Variants in HLA-F observed in about 807,000 individuals in gnomAD.
The protein encoded by HLA-F is HLA class I histocompatibility antigen, alpha chain F.
A neutral mutation model predicts 49.5 loss-of-function variants in HLA-F; 46 were observed. The observed-to-expected ratio is 0.93, with a 90% CI of 0.73 to 1.19. HLA-F has a LOEUF of 1.19. Among genes scored for constraint, HLA-F ranks in the 50% most tolerant of loss-of-function variants. The pLI, the probability that HLA-F is intolerant of heterozygous loss-of-function variation, is 0.00. For missense variants in HLA-F, 496 were observed against 579.6 expected (o/e 0.86, Z 1.48); for synonymous variants, 203 against 233.5 (o/e 0.87, Z 1.19).
downstream of HLA-F, among the ~76,000 whole-genome samples, chr6:29,730,742 G>A (rs1052955533): frequency 6.6e-6 from 1 of 152,002 alleles, no homozygotes; most frequent in African/African-American, 2.4e-5. Context: ...CCTCTCAAAC[G>A]AAAATTAGGA....
chr6:29,735,349 A>G (rs9278283), intron 3 of HLA-F: 1 of 120,186 alleles, frequency 8.3e-6, no homozygotes, highest in East Asian at 3.7e-4. Flanking sequence ...ATGTATATAT[A>G]TGTATATATA....
chr6:29,724,080 C>A (rs2072895), intron 2 of HLA-F, 93 bp from the exon 3 acceptor site: 1 of 1,562,822 alleles, frequency 6.4e-7, no homozygotes, highest in African/African-American at 1.4e-5. Context: ...CGCCTTTACC[C>A]AGGTTCATTT....
chr6:29,727,210 T>A lies in HLA-F; in HGVS notation c.*35T>A. ...AAGTAAGTTGCAAGACCCATGATAC[T>A]AGACCACTAAATACTTCATCACACA... On this transcript the variant is annotated 3_prime_UTR_variant, in exon 7 of 7. Transcript: ENST00000259951. 1 of 1,370,574 alleles carries A rather than the reference T, an allele frequency of 7.3e-7. No individual in the cohort carries two copies. Among genetic ancestry groups the A allele is most frequent in the Non-Finnish European group, 1.0e-6 (1 of 998,398 alleles). 84.9% of individuals were successfully genotyped at this position (1,370,574 alleles called of 1,614,324 possible). A position where few individuals can be genotyped will look rare whatever the true frequency, so the allele number is the denominator to read the frequency against.
Position 29,726,942 on chromosome 6 carries a change from G to A in HLA-F, c.1096G>A (p.Gly366Arg). Reference sequence around the variant, plus strand: ...ATGGTGGTCAAGCTTATTTCTCCTGGGGGTGCTCTTCCAAGGATATTTGGG... The same window carrying A: ...ATGGTGGTCAAGCTTATTTCTCCTGAGGGTGCTCTTCCAAGGATATTTGGG... Reference protein sequence around the residue: ...ITWWSSLFLLGVLFQGYLGCL... With the variant: ...ITWWSSLFLLRVLFQGYLGCL... Residue 366 changes from glycine to arginine, a missense_variant, in exon 7 of 7, where the codon GGG (glycine) becomes AGG (arginine). By Grantham distance (125) the Gly-to-Arg change is moderately radical. Transcript: ENST00000259951. 3 of 1,611,052 alleles carry A rather than the reference G, an allele frequency of 1.9e-6. No homozygotes were observed. The highest frequency in any genetic ancestry group is 1.1e-5 in the South Asian group (1 of 91,056).
intron 6 of HLA-F, 177 bp from the exon 7 acceptor site, chr6:29,726,706 T>G: frequency 7.8e-6 from 10 of 1,280,722 alleles, no homozygotes; most frequent in Non-Finnish European, 1.1e-5. Flanking sequence ...AACCAAAGCA[T>G]CGTAGTCAGG....
intron 3 of HLA-F, chr6:29,736,697 T>C: frequency 3.7e-6 from 1 of 270,670 alleles, no homozygotes. Context: ...ATATGATAGA[T>C]TAGTTCTGTC....
At position 29,724,163 on chromosome 6, in the gene HLA-F, GA is replaced by G; in HGVS notation, c.335-9del. ...CTAGCTGGGCGGGGCTGACTGCGGG[GA>G]CCGGCTAGGGTCTCACACCCTCCAG... On this transcript the variant is annotated splice_polypyrimidine_tract_variant and intron_variant, in intron 2 of 6. Coordinates refer to ENST00000259951, the MANE Select transcript of HLA-F (RefSeq NM_001098479.2). The G allele has an allele frequency of 6.2e-7, 1 of 1,612,758 alleles. No individual in the cohort carries two copies. Among genetic ancestry groups the G allele is most frequent in the South Asian group, 1.1e-5 (1 of 91,070 alleles).
chr6:29,724,989 C>T, intron 3 of HLA-F, 42 bp from the exon 4 acceptor site: 1 of 1,596,718 alleles, frequency 6.3e-7, no homozygotes, highest in Non-Finnish European at 8.5e-7. Context: ...TGGGGTTTCC[C>T]ATGAGGAGTG....
rs370537651 is a variant in HLA-F at position 29,725,257 on chromosome 6, A to C, written c.837A>C (p.Thr279=). 10 of 1,613,968 alleles carry C rather than the reference A, an allele frequency of 6.2e-6. No individual in the cohort carries two copies. Among genetic ancestry groups the C allele is most frequent in the Non-Finnish European group, 8.5e-6 (10 of 1,180,014 alleles). ...CTCCTGGAGAGGAACAGAGATACAC[A>C]TGCCATGTGCAGCACGAGGGGCTGC... is the stretch of plus-strand genomic sequence containing the variant. ...VVPPGEEQRY[T]CHVQHEGLPQ... is the part of the protein sequence containing the mutation. The change falls in exon 4 of 7, where the codon ACA becomes ACC. Residue 279 remains threonine (T), a synonymous_variant. Coordinates refer to ENST00000259951, the MANE Select transcript of HLA-F (RefSeq NM_001098479.2).
At chr6:29,725,346 T>C (rs760403936) in intron 4 of HLA-F, 40 bp downstream of exon 4, 20 of 1,612,600 alleles carry the variant, frequency 1.2e-5, no homozygotes, top group Non-Finnish European at 1.7e-5. Flanking sequence ...CGAGGGGTCA[T>C]GTCTTTTCTC....
intron 3 of HLA-F, 95 bp from the exon 4 acceptor site, chr6:29,724,936 C>G: frequency 7.1e-7 from 1 of 1,405,490 alleles, no homozygotes; most frequent in South Asian, 1.3e-5. Context: ...CTTCCCCACC[C>G]CAGGTGTCCT....
intron 3 of HLA-F, chr6:29,736,565 A>C: frequency 2.8e-6 from 1 of 354,826 alleles, no homozygotes; most frequent in East Asian, 8.4e-5. Flanking sequence ...CAAAGTGAAC[A>C]CTCAGGTAAA....
Position 29,725,129 on chromosome 6 carries a change from A to G in HLA-F, c.709A>G (p.Thr237Ala). The G allele has an allele frequency of 6.2e-7, 1 of 1,614,058 alleles. No homozygotes were observed. The highest frequency in any genetic ancestry group is 8.5e-7 in the Non-Finnish European group (1 of 1,180,016). Reference protein sequence around the residue: ...LGFYPAEITLTWQRDGEEQTQ... With the variant: ...LGFYPAEITLAWQRDGEEQTQ... ...CTTCTACCCTGCGGAGATCACGCTG[A>G]CCTGGCAGCGGGATGGGGAGGAACA... Residue 237 changes from threonine (T) to alanine (A), a missense_variant, in exon 4 of 7, where the codon ACC becomes GCC. Physicochemically the swap from Thr to Ala is moderately conservative, Grantham distance 58. Transcript: ENST00000259951.
downstream of HLA-F, among the ~76,000 whole-genome samples, chr6:29,732,170 T>C (rs1431152698): frequency 6.6e-6 from 1 of 151,916 alleles, no homozygotes; most frequent in African/African-American, 2.4e-5. Context: ...GATTTTGCCA[T>C]GTTGCCCAGG....
intron 6 of HLA-F, chr6:29,726,596 G>C: frequency 6.6e-7 from 1 of 1,511,384 alleles, no homozygotes; most frequent in Non-Finnish European, 8.9e-7. Context: ...GAGAAAGAGT[G>C]AATAGAGAGA....
chr6:29,725,202 C>T lies in HLA-F; in HGVS notation c.782C>T (p.Thr261Ile). 4 of 1,614,016 alleles carry T rather than the reference C, an allele frequency of 2.5e-6. No homozygotes were observed. Among genetic ancestry groups the T allele is most frequent in the Non-Finnish European group, 3.4e-6 (4 of 1,179,944 alleles). The change falls in exon 4 of 7, where the codon ACC becomes ATC. Residue 261 changes from threonine to isoleucine, a missense_variant. Thr to Ile is a moderately conservative substitution (Grantham distance 89). Transcript: ENST00000259951. Reference sequence around the variant, plus strand: ...GAGACCAGGCCTGCAGGGGATGGAACCTTCCAGAAGTGGGCCGCTGTGGTG... The same window carrying T: ...GAGACCAGGCCTGCAGGGGATGGAATCTTCCAGAAGTGGGCCGCTGTGGTG... ...LVETRPAGDG[T>I]FQKWAAVVVP...
At position 29,723,443 on chromosome 6, in the gene HLA-F, C is replaced by G; in HGVS notation, c.-21C>G. On this transcript the variant is annotated 5_prime_UTR_variant, in exon 1 of 7. Coordinates refer to ENST00000259951, the MANE Select transcript of HLA-F (RefSeq NM_001098479.2). ...GCACCCCGCGGGACTCATATTTTTC[C>G]CAGACGCGGAGGTTGGGGTCATGGC... 1.2e-6 allele frequency: 2 copies of G among 1,613,190 alleles called. No individual in the cohort carries two copies. Among genetic ancestry groups the G allele is most frequent in the Non-Finnish European group, 1.7e-6 (2 of 1,179,862 alleles).
chr6:29,735,640 A>C (rs1245461480), intron 3 of HLA-F: 1 of 151,648 alleles, frequency 6.6e-6, no homozygotes, highest in East Asian at 1.9e-4. Context: ...CTTGGTGTGG[A>C]CCTCTTTAAA....
At position 29,727,289 on chromosome 6, in the gene HLA-F, T is replaced by A. The variant is rs1483664949; in HGVS notation, c.*114T>A. 1.6e-6 allele frequency: 1 copy of A among 632,548 alleles called. No individual in the cohort carries two copies. Among genetic ancestry groups the A allele is most frequent in the African/African-American group, 1.8e-5 (1 of 54,274 alleles). 39.2% of individuals were successfully genotyped at this position (632,548 alleles called of 1,614,324 possible). A position where few individuals can be genotyped will look rare whatever the true frequency, so the allele number is the denominator to read the frequency against. ...ACACCAAAGAAAATAAATAATTCCA[T>A]AATATTATTTAAAGTCCTTTTATGT... On this transcript the variant is annotated 3_prime_UTR_variant, in exon 7 of 7. Coordinates refer to ENST00000259951, the MANE Select transcript of HLA-F (RefSeq NM_001098479.2).
Sources: gnomAD v4.1 joint callset for allele counts (sites outside exome capture counted in the v4.1 genomes callset) on GRCh38, gnomAD v4.1.1 for gene constraint, MANE v1.5 for transcripts, NCBI Gene and HGNC (gene_info 2026-07-23, HGNC 2026-07-21) for gene names.